The following GHR variants were observed in gnomAD, a reference collection of about 807,000 sequenced individuals.
GHR encodes GH receptor.
In GHR, 35 loss-of-function variants were observed where a neutral mutation model predicts 67.1. That is an observed-to-expected ratio of 0.52 (90% CI 0.40 to 0.69). The LOEUF is 0.69. Among genes scored for constraint, GHR ranks in the 30% least tolerant of loss-of-function variants. The pLI, the probability that GHR is intolerant of heterozygous loss-of-function variation, is 0.00. For synonymous variants in GHR, 272 were observed against 269.1 expected, an observed-to-expected ratio of 1.01 and a Z score of -0.10; for missense variants, 792 against 764.6, an observed-to-expected ratio of 1.04 and a Z score of -0.42.
chr5:42,665,776 G>C (rs1245698369), intron 3 of GHR, among the ~76,000 whole-genome samples: 10 of 151,954 alleles, frequency 6.6e-5, no homozygotes, highest in Admixed American at 5.9e-4. Context: ...AGAAAAAGAG[G>C]TTTAATGGAC....
chr5:42,456,460 T>C (rs1744265945), intron 1 of GHR, among the ~76,000 whole-genome samples: 1 of 152,220 alleles, frequency 6.6e-6, no homozygotes. Flanking sequence ...TATAAATCTA[T>C]AGGTTAGTTT....
At chr5:42,518,988 C>T (rs1001297875) in intron 1 of GHR, among the ~76,000 whole-genome samples, 9 of 152,190 alleles carry the variant, frequency 5.9e-5, no homozygotes, top group Admixed American at 3.3e-4. Context: ...ATCGCTGTGT[C>T]ACCTTGGCAA....
At chr5:42,665,110 T>G (rs377502096) in intron 3 of GHR, among the ~76,000 whole-genome samples, 15 of 152,192 alleles carry the variant, frequency 9.9e-5, no homozygotes, top group East Asian at 1.9e-4. Context: ...AGGTGCTGGA[T>G]AGGATGTGGA....
At chr5:42,692,694 T>A (rs1757474207) in intron 4 of GHR, among the ~76,000 whole-genome samples, 1 of 152,154 alleles carries the variant, frequency 6.6e-6, no homozygotes, top group South Asian at 2.1e-4. Context: ...TTTTAAACAG[T>A]CCTCATGGGG....
intron 1 of GHR, among the ~76,000 whole-genome samples, chr5:42,502,874 T>C (rs961105143): frequency 4.0e-5 from 6 of 150,336 alleles, no homozygotes; most frequent in Non-Finnish European, 8.9e-5. Context: ...TATACATATG[T>C]ATAATTTATG....
rs540285619 is a variant in GHR at position 42,471,253 on chromosome 5, T to G, written c.-12+47298T>G. On this transcript the variant is annotated intron_variant, in intron 1 of 9. Coordinates refer to ENST00000230882, the MANE Select transcript of GHR (RefSeq NM_000163.5). ...CTTTCATGGTCCTTAACGTTTCAGG[T>G]AAATAATTCCAACAGTTGTGACTGG... is the stretch of plus-strand genomic sequence containing the variant. 5.3e-5 allele frequency among the ~76,000 whole-genome samples: 8 copies of G among 152,314 alleles called. No homozygotes were observed. In the East Asian group the frequency reaches 1.5e-3, roughly 29 times the overall value.
intron 6 of GHR, among the ~76,000 whole-genome samples, chr5:42,702,615 C>A (rs1757984323): frequency 6.6e-6 from 1 of 151,868 alleles, no homozygotes; most frequent in Non-Finnish European, 1.5e-5. Context: ...TTTGAGGAAG[C>A]TTCATATTAT....
chr5:42,641,924 A>T (rs1754496059), intron 3 of GHR, among the ~76,000 whole-genome samples: 2 of 152,112 alleles, frequency 1.3e-5, no homozygotes, highest in Non-Finnish European at 2.9e-5. Flanking sequence ...GTCATTAGTT[A>T]TTGACAGGAC....
intron 1 of GHR, among the ~76,000 whole-genome samples, chr5:42,483,329 G>A (rs1745737416): frequency 6.6e-6 from 1 of 152,098 alleles, no homozygotes; most frequent in Admixed American, 6.6e-5. Flanking sequence ...TGAAATTACA[G>A]GTATGAGCCT....
At chr5:42,615,205 C>T (rs1349953372) in intron 2 of GHR, among the ~76,000 whole-genome samples, 1 of 151,576 alleles carries the variant, frequency 6.6e-6, no homozygotes, top group African/African-American at 2.4e-5. Flanking sequence ...GTAAACTCTA[C>T]AGCAAAGAAA....
intron 4 of GHR, among the ~76,000 whole-genome samples, chr5:42,692,707 C>T (rs1013942178): frequency 5.3e-5 from 8 of 152,076 alleles, no homozygotes; most frequent in Non-Finnish European, 1.0e-4. Context: ...TCATGGGGAA[C>T]AAGGTACTGA....
chr5:42,703,840 T>C (rs1032288386), intron 6 of GHR, among the ~76,000 whole-genome samples: 1 of 151,980 alleles, frequency 6.6e-6, no homozygotes, highest in Admixed American at 6.6e-5. Flanking sequence ...CTTTCTCAGA[T>C]TGTTCCTTAT....
At chr5:42,556,229 C>T (rs1010861263) in intron 1 of GHR, among the ~76,000 whole-genome samples, 2 of 152,142 alleles carry the variant, frequency 1.3e-5, no homozygotes, top group African/African-American at 2.4e-5. Context: ...GGCAGGAATA[C>T]ATGCACTTCT....
chr5:42,552,091 T>C (rs768396716), intron 1 of GHR, among the ~76,000 whole-genome samples: 7 of 152,214 alleles, frequency 4.6e-5, no homozygotes, highest in Non-Finnish European at 8.8e-5. Flanking sequence ...TCAAACCTCT[T>C]TGGCCAGCCA....
intron 1 of GHR, among the ~76,000 whole-genome samples, chr5:42,564,899 G>C (rs1749837976): frequency 6.6e-6 from 1 of 152,176 alleles, no homozygotes; most frequent in South Asian, 2.1e-4. Context: ...AAGCTTTAAA[G>C]TAGTTGGCAT....
chr5:42,672,685 C>T (rs1385549798), intron 3 of GHR, among the ~76,000 whole-genome samples: 2 of 152,022 alleles, frequency 1.3e-5, no homozygotes, highest in Non-Finnish European at 2.9e-5. Flanking sequence ...AATGTAATAT[C>T]TCAAACTATA....
chr5:42,597,539 C>G (rs905666277), intron 2 of GHR, among the ~76,000 whole-genome samples: 6 of 152,226 alleles, frequency 3.9e-5, no homozygotes, highest in Non-Finnish European at 8.8e-5. Context: ...ATCCATGGTT[C>G]CAGTGCCAGG....
chr5:42,463,111 ATC>A (rs1276682256), intron 1 of GHR, among the ~76,000 whole-genome samples: 1 of 152,168 alleles, frequency 6.6e-6, no homozygotes, highest in African/African-American at 2.4e-5. Flanking sequence ...GATTACTGTC[ATC>A]TCTCTAAGCA....
At chr5:42,472,489 AG>A (rs1326182972) in intron 1 of GHR, among the ~76,000 whole-genome samples, 1 of 152,268 alleles carries the variant, frequency 6.6e-6, no homozygotes, top group East Asian at 1.9e-4. Context: ...AGAGAACATT[AG>A]AAGCATTTGC....
Sources: allele counts gnomAD v4.1 joint callset (sites outside exome capture counted in the v4.1 genomes callset), GRCh38; gene constraint gnomAD v4.1.1; transcripts MANE v1.5; gene names NCBI Gene and HGNC (gene_info 2026-07-23, HGNC 2026-07-21).